The following BBS9 variants were observed in gnomAD, a reference collection of about 807,000 sequenced individuals.
BBS9 encodes the protein Bardet-Biedl syndrome 9, also known as protein PTHB1.
A neutral mutation model predicts 117.7 loss-of-function variants in BBS9; 89 were observed. The observed-to-expected ratio is 0.76, with a 90% CI of 0.64 to 0.90. BBS9 has a LOEUF of 0.90. Among genes scored for constraint, BBS9 ranks in the 40% least tolerant of loss-of-function variants. The pLI is 0.00. For synonymous variants in BBS9, 379 were observed against 370.9 expected, an observed-to-expected ratio of 1.02 and a Z score of -0.25; for missense variants, 982 against 1,042.2, an observed-to-expected ratio of 0.94 and a Z score of 0.80.
At chr7:33,581,187 T>G (rs1859841321) in intron 21 of BBS9, among the ~76,000 whole-genome samples, 1 of 152,066 alleles carries the variant, frequency 6.6e-6, no homozygotes, top group Non-Finnish European at 1.5e-5. Flanking sequence ...GCCAAGACAC[T>G]GTGTACTTGC....
chr7:33,278,984 A>T (rs1801305795), intron 9 of BBS9, among the ~76,000 whole-genome samples: 1 of 152,230 alleles, frequency 6.6e-6, no homozygotes, highest in Non-Finnish European at 1.5e-5. Context: ...TCAAATCAAT[A>T]TCATAATCTG....
At chr7:33,357,230 A>C (rs1414822891) in intron 15 of BBS9, among the ~76,000 whole-genome samples, 1 of 151,838 alleles carries the variant, frequency 6.6e-6, no homozygotes, top group Non-Finnish European at 1.5e-5. Context: ...AATGTCACTT[A>C]AAGTGATATG....
chr7:33,324,662 G>T (rs1456590974), intron 9 of BBS9, among the ~76,000 whole-genome samples: 1 of 150,828 alleles, frequency 6.6e-6, no homozygotes, highest in Admixed American at 6.6e-5. Context: ...GGCAGGTCTA[G>T]TGTTGATGAA....
At chr7:33,419,183 C>A (rs531666116) in intron 19 of BBS9, among the ~76,000 whole-genome samples, 1 of 151,790 alleles carries the variant, frequency 6.6e-6, no homozygotes, top group Non-Finnish European at 1.5e-5. Flanking sequence ...CTTAATTATT[C>A]TTCATCACAC....
At chr7:33,268,947 C>T (rs1374230992) in intron 7 of BBS9, among the ~76,000 whole-genome samples, 2 of 152,190 alleles carry the variant, frequency 1.3e-5, no homozygotes, top group African/African-American at 4.8e-5. Flanking sequence ...TATTCATGTC[C>T]TGTCCAGTGG....
At chr7:33,369,632 G>T (rs1417256300) in intron 17 of BBS9, among the ~76,000 whole-genome samples, 1 of 152,152 alleles carries the variant, frequency 6.6e-6, no homozygotes, top group Non-Finnish European at 1.5e-5. Flanking sequence ...TTTGGCTACA[G>T]TGACACACAG....
intron 1 of BBS9, among the ~76,000 whole-genome samples, chr7:33,133,379 C>G (rs1021484085): frequency 6.6e-6 from 1 of 152,126 alleles, no homozygotes; most frequent in Non-Finnish European, 1.5e-5. Flanking sequence ...CAAAAAGAAA[C>G]CTCGCATCCC....
intron 11 of BBS9, among the ~76,000 whole-genome samples, chr7:33,342,610 T>C (rs1816782450): frequency 6.6e-6 from 1 of 152,182 alleles, no homozygotes; most frequent in South Asian, 2.1e-4. Context: ...ATTTTCCCTG[T>C]GTTACTATTT....
At chr7:33,160,470 CT>C (rs1794680593) in intron 4 of BBS9, among the ~76,000 whole-genome samples, 1 of 152,158 alleles carries the variant, frequency 6.6e-6, no homozygotes, top group South Asian at 2.1e-4. Flanking sequence ...TTAAAGTATA[CT>C]CTATGAATAC....
At chr7:33,130,946 AT>A (rs1789503541) in intron 1 of BBS9, among the ~76,000 whole-genome samples, 1 of 152,226 alleles carries the variant, frequency 6.6e-6, no homozygotes, top group Non-Finnish European at 1.5e-5. Context: ...GCAATAGTAT[AT>A]ATAGTAATTT....
intron 21 of BBS9, among the ~76,000 whole-genome samples, chr7:33,549,958 G>A (rs1332309845): frequency 6.6e-6 from 1 of 152,074 alleles, no homozygotes; most frequent in African/African-American, 2.4e-5. Flanking sequence ...GTACTGTTTT[G>A]TCTTCAAATA....
At chr7:33,452,505 C>T (rs1347798377) in intron 19 of BBS9, among the ~76,000 whole-genome samples, 1 of 152,150 alleles carries the variant, frequency 6.6e-6, no homozygotes, top group Non-Finnish European at 1.5e-5. Flanking sequence ...TCTTTCTAGC[C>T]TCAGCGTTCT....
chr7:33,566,716 T>A (rs1011310231), intron 21 of BBS9, among the ~76,000 whole-genome samples: 1 of 151,032 alleles, frequency 6.6e-6, no homozygotes, highest in South Asian at 2.1e-4. Flanking sequence ...ATGTATACAG[T>A]GCATTTTTGC....
At chr7:33,163,970 T>C (rs1795266667) in intron 4 of BBS9, among the ~76,000 whole-genome samples, 1 of 152,216 alleles carries the variant, frequency 6.6e-6, no homozygotes, top group Non-Finnish European at 1.5e-5. Context: ...GGGCTTTTAG[T>C]GCTATAAGTT....
chr7:33,494,135 G>T (rs1467810506), intron 19 of BBS9, among the ~76,000 whole-genome samples: 2 of 152,048 alleles, frequency 1.3e-5, no homozygotes, highest in Non-Finnish European at 2.9e-5. Flanking sequence ...TCAACCCAGG[G>T]TGATTTTGCC....
intron 21 of BBS9, among the ~76,000 whole-genome samples, chr7:33,565,806 T>TGCC (rs1856783915): frequency 1.8e-5 from 1 of 54,380 alleles, no homozygotes; most frequent in African/African-American, 1.5e-4. Context: ...TATATATATA[T>TGCC]ATATATATAT....
chr7:33,511,283 T>C (rs912964315), intron 20 of BBS9, among the ~76,000 whole-genome samples: 1 of 152,170 alleles, frequency 6.6e-6, no homozygotes, highest in African/African-American at 2.4e-5. Context: ...ACTAAGATTC[T>C]TCATCCAGCT....
At chr7:33,632,241 T>G (rs926513653) in intron 21 of BBS9, among the ~76,000 whole-genome samples, 1 of 152,182 alleles carries the variant, frequency 6.6e-6, no homozygotes, top group African/African-American at 2.4e-5. Flanking sequence ...TCATAAACCC[T>G]TTTGCTCAGC....
chr7:33,408,536 C>T (rs1486492407), intron 19 of BBS9, among the ~76,000 whole-genome samples: 1 of 152,190 alleles, frequency 6.6e-6, no homozygotes, highest in Non-Finnish European at 1.5e-5. Flanking sequence ...GCGTCGCTCA[C>T]GCTGGGAGCT....
Sources: allele counts gnomAD v4.1 joint callset (sites outside exome capture counted in the v4.1 genomes callset), GRCh38; gene constraint gnomAD v4.1.1; transcripts MANE v1.5; gene names NCBI Gene and HGNC (gene_info 2026-07-23, HGNC 2026-07-21).